Variants in TRABD2B observed in about 807,000 individuals in gnomAD.
TRABD2B encodes TraB domain containing 2B.
In TRABD2B, 14 loss-of-function variants were observed where a neutral mutation model predicts 40.1. That is an observed-to-expected ratio of 0.35 (90% CI 0.23 to 0.55). TRABD2B has a LOEUF of 0.55. Ranked by LOEUF, TRABD2B falls within the 20% of genes least tolerant of loss-of-function variation. The pLI is 0.90. For synonymous variants in TRABD2B, 263 were observed against 277.0 expected (o/e 0.95, Z 0.50); for missense variants, 541 against 648.6 (o/e 0.83, Z 1.80).
At chr1:47,780,274 C>T in intron 4 of TRABD2B, among the ~76,000 whole-genome samples, 1 of 152,202 alleles carries the variant, frequency 6.6e-6, no homozygotes, top group Non-Finnish European at 1.5e-5. Flanking sequence ...GCATATTACC[C>T]TCTAATGCCC....
intron 2 of TRABD2B, among the ~76,000 whole-genome samples, chr1:47,960,972 C>T (rs1358169848): frequency 1.3e-5 from 2 of 152,106 alleles, no homozygotes; most frequent in Non-Finnish European, 2.9e-5. Flanking sequence ...TACTACAAGG[C>T]TACAGTAACC....
At chr1:47,877,275 G>T (rs1644239170) in intron 2 of TRABD2B, among the ~76,000 whole-genome samples, 1 of 152,024 alleles carries the variant, frequency 6.6e-6, no homozygotes, top group Non-Finnish European at 1.5e-5. Context: ...AAGACAGCTT[G>T]GTGTGTTAAA....
chr1:47,804,460 C>T (rs890963433), intron 2 of TRABD2B, among the ~76,000 whole-genome samples: 1 of 152,210 alleles, frequency 6.6e-6, no homozygotes, highest in African/African-American at 2.4e-5. Context: ...CACTCGGCCA[C>T]TGCACACACC....
intron 2 of TRABD2B, among the ~76,000 whole-genome samples, chr1:47,944,618 T>C (rs1330567965): frequency 6.6e-6 from 1 of 152,206 alleles, no homozygotes; most frequent in Non-Finnish European, 1.5e-5. Context: ...TACACATTTC[T>C]CAGCCTGCCC....
intron 2 of TRABD2B, among the ~76,000 whole-genome samples, chr1:47,985,544 G>A (rs1301754557): frequency 6.6e-6 from 1 of 152,232 alleles, no homozygotes; most frequent in Admixed American, 6.5e-5. Flanking sequence ...CAGGTGCAAA[G>A]GCAGAGACCA....
chr1:47,956,564 T>C (rs1356521845), intron 2 of TRABD2B, among the ~76,000 whole-genome samples: 3 of 152,230 alleles, frequency 2.0e-5, no homozygotes, highest in Non-Finnish European at 2.9e-5. Flanking sequence ...TTATATCCCA[T>C]GCCTGGCTCA....
At chr1:47,965,723 T>C (rs543188531) in intron 2 of TRABD2B, among the ~76,000 whole-genome samples, 56 of 152,346 alleles carry the variant, frequency 3.7e-4, no homozygotes, top group South Asian at 1.9e-3. Flanking sequence ...CCATGTGATC[T>C]GGCGTTGTTT....
chr1:47,821,710 C>A (rs1645112973), intron 2 of TRABD2B, among the ~76,000 whole-genome samples: 2 of 152,094 alleles, frequency 1.3e-5, no homozygotes, highest in South Asian at 4.2e-4. Context: ...AACTTGTCTG[C>A]ACCCTGTGAT....
intron 2 of TRABD2B, among the ~76,000 whole-genome samples, chr1:47,937,169 C>T (rs559122550): frequency 7.8e-4 from 118 of 151,966 alleles, no homozygotes; most frequent in African/African-American, 2.8e-3. Context: ...CCATCACCAC[C>T]ACCACCATCA....
At chr1:47,860,797 C>A (rs1006047202) in intron 2 of TRABD2B, among the ~76,000 whole-genome samples, 2 of 152,100 alleles carry the variant, frequency 1.3e-5, no homozygotes, top group Non-Finnish European at 2.9e-5. Context: ...ATGCAAGGTT[C>A]CTCCTCCCAT....
chr1:47,861,496 C>G (rs911731530), intron 2 of TRABD2B, among the ~76,000 whole-genome samples: 3 of 152,006 alleles, frequency 2.0e-5, no homozygotes, highest in African/African-American at 7.3e-5. Flanking sequence ...AATAATAAGA[C>G]ACAACTTGAT....
At chr1:47,796,022 C>A (rs1644743918) in intron 3 of TRABD2B, among the ~76,000 whole-genome samples, 1 of 152,138 alleles carries the variant, frequency 6.6e-6, no homozygotes, top group Non-Finnish European at 1.5e-5. Context: ...ACAGCCGGCA[C>A]AAAGAAGGTA....
chr1:47,871,560 T>A (rs1412665125), intron 2 of TRABD2B, among the ~76,000 whole-genome samples: 1 of 152,064 alleles, frequency 6.6e-6, no homozygotes, highest in African/African-American at 2.4e-5. Flanking sequence ...TCATCCTCTG[T>A]GGGCTGGTTC....
At chr1:47,851,416 G>T (rs1265751366) in intron 2 of TRABD2B, among the ~76,000 whole-genome samples, 1 of 152,230 alleles carries the variant, frequency 6.6e-6, no homozygotes, top group Admixed American at 6.5e-5. Flanking sequence ...TCACAAGAAT[G>T]TATGTGAACC....
chr1:47,967,596 G>A (rs1328562622), intron 2 of TRABD2B, among the ~76,000 whole-genome samples: 1 of 152,192 alleles, frequency 6.6e-6, no homozygotes, highest in Non-Finnish European at 1.5e-5. Context: ...CCAATACACT[G>A]CAAAGGATGC....
Position 47,801,509 on chromosome 1 carries a change from G to C in TRABD2B, c.777C>G (p.Asp259Glu), listed in dbSNP as rs2124280044. 1 of 1,536,132 alleles carries C rather than the reference G, an allele frequency of 6.5e-7. No individual in the cohort carries two copies. Among genetic ancestry groups the C allele is most frequent in the South Asian group, 1.2e-5 (1 of 84,062 alleles). The change falls in exon 3 of 7, where the codon GAC becomes GAG. Residue 259 changes from aspartate to glutamate, a missense_variant. This residue lies in a region of TRABD2B where 369 missense variants were observed against 492.8 expected (regional missense o/e 0.75). Coordinates refer to ENST00000606738, the MANE Select transcript of TRABD2B (RefSeq NM_001194986.2). ...CGTGGTTGAAGATGACTGCGCTGAG[G>C]TCTCCGCAGTTGTAGTGCTTGATGA... Reference protein sequence around the residue: ...EDLIKHYNCGDLSAVIFNHDT... With the variant: ...EDLIKHYNCGELSAVIFNHDT...
intron 2 of TRABD2B, among the ~76,000 whole-genome samples, chr1:47,871,042 T>C (rs936256033): frequency 3.3e-5 from 5 of 152,204 alleles, no homozygotes; most frequent in African/African-American, 1.2e-4. Context: ...CCTACATCTT[T>C]TCTTGTTTTC....
intron 2 of TRABD2B, among the ~76,000 whole-genome samples, chr1:47,956,419 T>A (rs976870993): frequency 6.6e-6 from 1 of 152,176 alleles, no homozygotes; most frequent in African/African-American, 2.4e-5. Flanking sequence ...TCGCCTCACC[T>A]GGGAAACTCA....
chr1:47,826,762 G>A (rs907059915), intron 2 of TRABD2B, among the ~76,000 whole-genome samples: 1 of 152,140 alleles, frequency 6.6e-6, no homozygotes, highest in African/African-American at 2.4e-5. Flanking sequence ...TAGTGGAGAC[G>A]TGATCTTGTT....
Sources: gnomAD v4.1 joint callset for allele counts (sites outside exome capture counted in the v4.1 genomes callset) on GRCh38, gnomAD v4.1.1 for gene constraint, gnomAD v4.1.1 regional missense constraint, MANE v1.5 for transcripts, NCBI Gene and HGNC (gene_info 2026-07-23, HGNC 2026-07-21) for gene names.